Variants in KCNN1 observed in about 807,000 individuals in gnomAD.
The protein encoded by KCNN1 is potassium calcium-activated channel subfamily N member 1.
KCNN1 carries 20 observed loss-of-function variants against 44.7 expected under a neutral mutation model. The ratio of observed to expected loss-of-function variants is 0.45; its 90% CI spans 0.32 to 0.65. The LOEUF (loss-of-function observed/expected upper bound fraction) is 0.65, where lower values mean the gene tolerates loss of function less well. Ranked by LOEUF, KCNN1 falls within the 30% of genes least tolerant of loss-of-function variation. The pLI is 0.05. For synonymous variants in KCNN1, 324 were observed against 341.7 expected, an observed-to-expected ratio of 0.95 and a Z score of 0.57; for missense variants, 632 against 785.3, an observed-to-expected ratio of 0.80 and a Z score of 2.33.
intron 1 of KCNN1, among the ~76,000 whole-genome samples, chr19:17,968,381 G>A (rs545673416): frequency 1.9e-4 from 28 of 146,744 alleles, no homozygotes; most frequent in African/African-American, 6.6e-4. Flanking sequence ...TTTGCCATGC[G>A]AGATCTTACT....
At chr19:17,960,189 G>A (rs2031645361) in intron 2 of KCNN1, among the ~76,000 whole-genome samples, 1 of 152,136 alleles carries the variant, frequency 6.6e-6, no homozygotes, top group African/African-American at 2.4e-5. Flanking sequence ...CACTAGTGCT[G>A]AACCTCATGC....
At chr19:17,986,967 C>T (rs543105091) in intron 5 of KCNN1, among the ~76,000 whole-genome samples, 6 of 151,824 alleles carry the variant, frequency 4.0e-5, no homozygotes, top group Middle Eastern at 3.4e-3. Flanking sequence ...CCACCAGGCT[C>T]GGCTAATTTT....
chr19:17,962,493 C>T (rs1306221508), upstream of KCNN1, among the ~76,000 whole-genome samples: 3 of 152,112 alleles, frequency 2.0e-5, no homozygotes, highest in Non-Finnish European at 2.9e-5. Context: ...CTTTGTGTGT[C>T]TTTACCACCA....
At chr19:17,992,345 C>G (rs1370465088) in intron 7 of KCNN1, among the ~76,000 whole-genome samples, 1 of 150,024 alleles carries the variant, frequency 6.7e-6, no homozygotes, top group South Asian at 2.1e-4. Context: ...GTGGCTCATG[C>G]CTGTAATCCT....
At chr19:17,994,792 C>A (rs2032927658) in intron 9 of KCNN1, among the ~76,000 whole-genome samples, 1 of 152,220 alleles carries the variant, frequency 6.6e-6, no homozygotes, top group Non-Finnish European at 1.5e-5. Context: ...GATCCACCCC[C>A]CTCAGCCTCC....
chr19:17,966,074 TTCC>T (rs2031803078), upstream of KCNN1, among the ~76,000 whole-genome samples: 2 of 121,850 alleles, frequency 1.6e-5, no homozygotes, highest in African/African-American at 6.3e-5. Flanking sequence ...CCTTCCTTCC[TTCC>T]TTCCTTCAGT....
At chr19:17,994,155 T>C (rs2032901166) in intron 9 of KCNN1, among the ~76,000 whole-genome samples, 1 of 151,884 alleles carries the variant, frequency 6.6e-6, no homozygotes, top group Non-Finnish European at 1.5e-5. Context: ...GCAAGAGAAA[T>C]TGGGGCCAGC....
chr19:17,955,688 T>G (rs2031526872), intron 2 of KCNN1, among the ~76,000 whole-genome samples: 1 of 151,874 alleles, frequency 6.6e-6, no homozygotes, highest in South Asian at 2.1e-4. Context: ...CTGTCCACTT[T>G]CTTTGATCAC....
intron 7 of KCNN1, among the ~76,000 whole-genome samples, chr19:17,990,644 C>CA (rs1282772578): frequency 6.6e-6 from 1 of 150,476 alleles, no homozygotes; most frequent in Admixed American, 6.6e-5. Context: ...ACTAAAAATA[C>CA]AAAAAATTAG....
chr19:17,979,754 A>T (rs2032334934), intron 3 of KCNN1, among the ~76,000 whole-genome samples: 1 of 152,012 alleles, frequency 6.6e-6, no homozygotes, highest in African/African-American at 2.4e-5. Context: ...CGAGCGGAGG[A>T]GGCCCCTAGA....
chr19:17,967,456 T>A (rs1252090528), intron 1 of KCNN1, 139 bp downstream of exon 1: 2 of 248,768 alleles, frequency 8.0e-6, no homozygotes, highest in Non-Finnish European at 1.3e-5. Context: ...GTCCGGAGCC[T>A]AGGAGACACA....
chr19:17,986,092 G>A (rs1270747837), intron 5 of KCNN1, among the ~76,000 whole-genome samples: 2 of 152,178 alleles, frequency 1.3e-5, no homozygotes, highest in Non-Finnish European at 2.9e-5. Context: ...ATAGCCGGGA[G>A]TGGTGGCTCA....
intron 4 of KCNN1, 97 bp downstream of exon 4, chr19:17,982,224 G>A (rs1037982357): frequency 1.6e-5 from 16 of 990,922 alleles, no homozygotes; most frequent in Non-Finnish European, 2.1e-5. Context: ...GGCCCCTCCC[G>A]ACCCTGGCCA....
At chr19:17,960,527 G>C (rs1427723949) in intron 2 of KCNN1, among the ~76,000 whole-genome samples, 2 of 152,136 alleles carry the variant, frequency 1.3e-5, no homozygotes, top group Non-Finnish European at 2.9e-5. Flanking sequence ...CTACTCGGGA[G>C]GCTGAGGCAG....
At chr19:17,977,010 C>T (rs2032230240) in intron 3 of KCNN1, among the ~76,000 whole-genome samples, 1 of 152,084 alleles carries the variant, frequency 6.6e-6, no homozygotes, top group Non-Finnish European at 1.5e-5. Flanking sequence ...AGCCACCATG[C>T]CTGGCCTATT....
At position 17,993,727 on chromosome 19, in the gene KCNN1, GGTGAAATCCC is replaced by G. The variant is rs1464311009; in HGVS notation, c.1377+171_1377+180del. 6.6e-6 allele frequency among the ~76,000 whole-genome samples: 1 copy of G among 151,374 alleles called. No homozygotes were observed. Among genetic ancestry groups the G allele is most frequent in the East Asian group, 2.0e-4 (1 of 5,094 alleles). On this transcript the variant is annotated intron_variant, in intron 9 of 9. Coordinates refer to ENST00000684775, the MANE Select transcript of KCNN1 (RefSeq NM_001386974.1). The surrounding 1 kb of genome is among the most constrained non-coding windows in gnomAD (Gnocchi z 4.5). ...AGTTTGAGACCAGCCTGGGCAACAT[GGTGAAATCCC>G]GTCTCTACAAAAAAAATACAACAAT... is the stretch of plus-strand genomic sequence containing the variant.
chr19:17,952,113 G>C (rs536268101), intron 1 of KCNN1: 3 of 152,066 alleles, frequency 2.0e-5, no homozygotes, highest in African/African-American at 4.8e-5. Context: ...ACGCCTTGCG[G>C]GGGGGAGGGC....
At chr19:17,953,758 G>A (rs2031476817) in intron 1 of KCNN1, among the ~76,000 whole-genome samples, 1 of 152,006 alleles carries the variant, frequency 6.6e-6, no homozygotes, top group South Asian at 2.1e-4. Context: ...CTGAAACCCT[G>A]TCTCTACAAA....
Position 17,983,652 on chromosome 19 carries a change from A to C in KCNN1, c.917+1525A>C, listed in dbSNP as rs73528103. On this transcript the variant is annotated intron_variant, in intron 4 of 9. Transcript: ENST00000684775. The surrounding 1 kb of genome is among the most constrained non-coding windows in gnomAD (Gnocchi z 4.5). ...CCAATCCTAAATTCTGAGCCTGGCGACAATGCTTGAAGCCCCCTTGCCTGC... is the reference window on the plus strand; with the variant it reads ...CCAATCCTAAATTCTGAGCCTGGCGCCAATGCTTGAAGCCCCCTTGCCTGC... Among the ~76,000 whole-genome samples the C allele has an allele frequency of 2.0e-3, 302 of 152,120 alleles. 2 individuals carry two copies. Among genetic ancestry groups the C allele is most frequent in the African/African-American group, 6.8e-3 (284 of 41,482 alleles).
Sources: allele counts gnomAD v4.1 joint callset (sites outside exome capture counted in the v4.1 genomes callset), GRCh38; gene constraint gnomAD v4.1.1; non-coding constraint Gnocchi (gnomAD v3.1); transcripts MANE v1.5; gene names NCBI Gene and HGNC (gene_info 2026-07-23, HGNC 2026-07-21).